SLC9C2: variants seen among roughly 807,000 people sequenced by gnomAD.
SLC9C2 encodes the protein solute carrier family 9 member C2 (putative).
In SLC9C2, 75 loss-of-function variants were observed where a neutral mutation model predicts 140.2. The observed-to-expected ratio is 0.53, with a 90% confidence interval of 0.44 to 0.65. The LOEUF is 0.65. Among genes scored for constraint, SLC9C2 ranks in the 30% least tolerant of loss-of-function variants. The probability of loss-of-function intolerance (pLI) is 0.00; values close to 1 mark genes in which losing one functional copy is unlikely to be tolerated. For synonymous variants in SLC9C2, 375 were observed against 420.9 expected, an observed-to-expected ratio of 0.89 and a Z score of 1.34; for missense variants, 1,074 against 1,331.8, an observed-to-expected ratio of 0.81 and a Z score of 3.01.
intron 9 of SLC9C2, among the ~76,000 whole-genome samples, chr1:173,563,814 T>G (rs1664275869): frequency 1.3e-5 from 2 of 152,160 alleles, no homozygotes; most frequent in Non-Finnish European, 2.9e-5. Context: ...CTATTTTTTG[T>G]ACCTGTTAAC....
intron 9 of SLC9C2, chr1:173,571,827 A>G (rs1664859517): frequency 6.6e-6 from 1 of 152,224 alleles, no homozygotes; most frequent in Non-Finnish European, 1.5e-5. Context: ...AATTTTATTA[A>G]TAATGTTTTG....
At chr1:173,520,830 C>T (rs1660754696) in intron 22 of SLC9C2, among the ~76,000 whole-genome samples, 2 of 152,258 alleles carry the variant, frequency 1.3e-5, no homozygotes, top group South Asian at 4.2e-4. Flanking sequence ...AAATGGGGCT[C>T]ACGCATGAAA....
At chr1:173,598,565 C>A (rs549326499) in intron 3 of SLC9C2, among the ~76,000 whole-genome samples, 2 of 152,184 alleles carry the variant, frequency 1.3e-5, no homozygotes, top group African/African-American at 4.8e-5. Flanking sequence ...ATGGAAAATA[C>A]AACAATAATG....
intron 23 of SLC9C2, among the ~76,000 whole-genome samples, chr1:173,514,254 G>A (rs1251920542): frequency 1.3e-5 from 2 of 152,120 alleles, no homozygotes; most frequent in Non-Finnish European, 2.9e-5. Flanking sequence ...TGACAGTGGG[G>A]TGTTAAAGTC....
rs372213866 is a variant in SLC9C2 at position 173,539,178 on chromosome 1, TGAAACTCACAATG to T, written c.1558-2152_1558-2140del. ...AGCATCCCATGGAACAAGTGTTCTT[TGAAACTCACAATG>T]GAAAATGTAGGCACTGAGGAGTCAT... On this transcript the variant is annotated intron_variant, in intron 13 of 27. Transcript: ENST00000367714. Among the ~76,000 whole-genome samples, 49 of 152,328 alleles carry T rather than the reference TGAAACTCACAATG, an allele frequency of 3.2e-4. No homozygotes were observed. The Middle Eastern group carries it at 0.01, about 32-fold the overall frequency.
intron 9 of SLC9C2, among the ~76,000 whole-genome samples, chr1:173,568,879 G>C (rs1664667899): frequency 6.6e-6 from 1 of 152,080 alleles, no homozygotes; most frequent in Non-Finnish European, 1.5e-5. Context: ...ATGTTTTTGT[G>C]TGTACCTACT....
At chr1:173,514,938 T>G (rs1450992331) in intron 23 of SLC9C2, among the ~76,000 whole-genome samples, 1 of 152,226 alleles carries the variant, frequency 6.6e-6, no homozygotes, top group African/African-American at 2.4e-5. Flanking sequence ...TATGAAGGTC[T>G]GGACTGAAAA....
chr1:173,582,731 C>G (rs534262120), intron 6 of SLC9C2, among the ~76,000 whole-genome samples: 5 of 152,288 alleles, frequency 3.3e-5, no homozygotes, highest in African/African-American at 9.6e-5. Flanking sequence ...ATCTGGAAAC[C>G]TAGCAAGGCA....
intron 22 of SLC9C2, among the ~76,000 whole-genome samples, chr1:173,518,148 A>T (rs2101933010): frequency 6.6e-6 from 1 of 152,258 alleles, no homozygotes; most frequent in South Asian, 2.1e-4. Flanking sequence ...TTGTAGTCCC[A>T]GCTACTCAGG....
intron 11 of SLC9C2, among the ~76,000 whole-genome samples, chr1:173,550,154 C>T (rs927880227): frequency 6.6e-6 from 1 of 152,156 alleles, no homozygotes; most frequent in Non-Finnish European, 1.5e-5. Flanking sequence ...ATAATCTCGA[C>T]ACTTTGGGAT....
chr1:173,537,456 G>A (rs188322442), intron 13 of SLC9C2, among the ~76,000 whole-genome samples: 6 of 152,190 alleles, frequency 3.9e-5, no homozygotes, highest in African/African-American at 9.6e-5. Context: ...CAGCTACTCA[G>A]GAGGCTAAGG....
chr1:173,576,407 A>C (rs1265685947), intron 8 of SLC9C2, among the ~76,000 whole-genome samples: 1 of 152,206 alleles, frequency 6.6e-6, no homozygotes, highest in Non-Finnish European at 1.5e-5. Flanking sequence ...GTTCAAAGTA[A>C]ATTTTTGTCA....
chr1:173,545,986 A>G (rs1407608490), intron 13 of SLC9C2, among the ~76,000 whole-genome samples: 2 of 152,158 alleles, frequency 1.3e-5, no homozygotes, highest in Non-Finnish European at 2.9e-5. Flanking sequence ...TAGAAGCTAC[A>G]AATCTTCTCA....
chr1:173,552,521 C>T (rs1214527042), intron 11 of SLC9C2, among the ~76,000 whole-genome samples: 1 of 152,132 alleles, frequency 6.6e-6, no homozygotes, highest in Non-Finnish European at 1.5e-5. Context: ...TAAGTTGAAG[C>T]CAATACTTAC....
intron 9 of SLC9C2, among the ~76,000 whole-genome samples, chr1:173,565,790 A>G (rs1266176561): frequency 6.6e-6 from 1 of 152,150 alleles, no homozygotes; most frequent in Non-Finnish European, 1.5e-5. Flanking sequence ...TCTCTAGATC[A>G]TTTTAGATAG....
intron 4 of SLC9C2, among the ~76,000 whole-genome samples, chr1:173,590,993 A>G (rs1666126441): frequency 6.6e-6 from 1 of 152,138 alleles, no homozygotes; most frequent in Non-Finnish European, 1.5e-5. Flanking sequence ...AGATTTTTTC[A>G]TCACCCAGGT....
intron 4 of SLC9C2, chr1:173,596,468 T>C (rs1346878637): frequency 6.6e-6 from 1 of 152,160 alleles, no homozygotes; most frequent in Non-Finnish European, 1.5e-5. Flanking sequence ...GCTATTCCAA[T>C]AGGTACACAG....
chr1:173,530,076 A>G (rs1661473716), intron 17 of SLC9C2, 22 bp from the exon 18 acceptor site: 1 of 1,568,038 alleles, frequency 6.4e-7, no homozygotes, highest in Non-Finnish European at 8.6e-7. Context: ...AGAAGAAGAA[A>G]AAAAAACCTG....
intron 8 of SLC9C2, among the ~76,000 whole-genome samples, chr1:173,575,163 G>T (rs1238151080): frequency 6.6e-6 from 1 of 152,042 alleles, no homozygotes; most frequent in Non-Finnish European, 1.5e-5. Flanking sequence ...CCTAAAAAAT[G>T]CATTATGTAT....
Sources: gnomAD v4.1 joint callset for allele counts (sites outside exome capture counted in the v4.1 genomes callset) on GRCh38, gnomAD v4.1.1 for gene constraint, MANE v1.5 for transcripts, NCBI Gene and HGNC (gene_info 2026-07-23, HGNC 2026-07-21) for gene names.